The following FRMPD1 variants were observed in gnomAD, a reference collection of about 807,000 sequenced individuals.
FRMPD1 encodes FERM and PDZ domain containing 1.
A neutral mutation model predicts 117.8 loss-of-function variants in FRMPD1; 76 were observed. The ratio of observed to expected loss-of-function variants is 0.65; its 90% CI spans 0.54 to 0.78. The LOEUF (loss-of-function observed/expected upper bound fraction) is 0.78, where lower values mean the gene tolerates loss of function less well. FRMPD1 is among the 30% of genes least tolerant of loss of function. The pLI, the probability that FRMPD1 is intolerant of heterozygous loss-of-function variation, is 0.00. For missense variants in FRMPD1, 1,786 were observed against 1,964.5 expected (o/e 0.91, Z 1.72); for synonymous variants, 783 against 770.4 (o/e 1.02, Z -0.27).
intron 8 of FRMPD1, among the ~76,000 whole-genome samples, chr9:37,730,486 C>G (rs535163319): frequency 4.6e-5 from 7 of 152,324 alleles, no homozygotes; most frequent in African/African-American, 1.7e-4. Flanking sequence ...CAGATGAATT[C>G]TTACCCAATG....
chr9:37,674,436 C>A (rs1821455203), intron 1 of FRMPD1, among the ~76,000 whole-genome samples: 1 of 152,192 alleles, frequency 6.6e-6, no homozygotes, highest in African/African-American at 2.4e-5. Flanking sequence ...AACTTTCCCA[C>A]ATTTTCCTGC....
At chr9:37,636,689 T>A in the FRMPD1 span, 1 of 1,551,688 alleles carries the variant, frequency 6.4e-7, no homozygotes, top group Non-Finnish European at 8.6e-7. Flanking sequence ...GTGCCCCTCC[T>A]AGCAACAACC....
rs781229727 is a variant in FRMPD1, at chr9:37,746,176, C to T, written c.4144C>T (p.Pro1382Ser). The T allele has an allele frequency of 1.2e-6, 2 of 1,613,358 alleles. No individual in the cohort carries two copies. The highest frequency in any genetic ancestry group is 1.7e-6 in the Non-Finnish European group (2 of 1,179,916). The change falls in exon 16 of 16, where the codon CCT becomes TCT. Residue 1382 changes from proline (P) to serine (S), a missense_variant. Transcript: ENST00000377765. ...AGSPVVLPWR[P>S]ARAHSCTTAP... ...AAGCCCGGTGGTTCTGCCCTGGAGG[C>T]CTGCCCGAGCCCACAGCTGCACCAC... is the stretch of plus-strand genomic sequence containing the variant.
chr9:37,619,324 T>C, the FRMPD1 span, among the ~76,000 whole-genome samples: 1 of 152,180 alleles, frequency 6.6e-6, no homozygotes, highest in South Asian at 2.1e-4. Flanking sequence ...TCAGAGATCT[T>C]TGTTATTTCC....
Position 37,735,591 on chromosome 9 carries a change from G to A in FRMPD1, c.1258G>A (p.Ala420Thr). The change falls in exon 13 of 16, where the codon GCC (alanine) becomes ACC (threonine). Residue 420 changes from alanine (A) to threonine (T), a missense_variant. Transcript: ENST00000377765. Reference protein sequence around the residue: ...RESYIALLVGAKYGISQVINS... With the variant: ...RESYIALLVGTKYGISQVINS... ...ATCCTACATTGCCCTTCTAGTTGGAGCCAAGTATGGGATTAGCCAGGTTAT... is the reference window on the plus strand; with the variant it reads ...ATCCTACATTGCCCTTCTAGTTGGAACCAAGTATGGGATTAGCCAGGTTAT... The A allele has an allele frequency of 6.2e-7, 1 of 1,614,000 alleles. No individual in the cohort carries two copies. Among genetic ancestry groups the A allele is most frequent in the Non-Finnish European group, 8.5e-7 (1 of 1,179,860 alleles).
chr9:37,718,345 A>G (rs575183152), intron 5 of FRMPD1, among the ~76,000 whole-genome samples: 1 of 152,360 alleles, frequency 6.6e-6, no homozygotes, highest in East Asian at 1.9e-4. Context: ...CCAAGGGAAC[A>G]TAGGCTGTTA....
In FRMPD1 at chr9:37,731,046, G is replaced by A; in HGVS notation, c.801G>A (p.Lys267=). The A allele has an allele frequency of 6.2e-7, 1 of 1,613,336 alleles. No individual in the cohort carries two copies. The highest frequency in any genetic ancestry group is 8.5e-7 in the Non-Finnish European group (1 of 1,179,254). Residue 267 remains lysine, a synonymous_variant, in exon 9 of 16, where the codon AAG becomes AAA. Coordinates refer to ENST00000377765, the MANE Select transcript of FRMPD1 (RefSeq NM_014907.3). ...TCTTCAGGGTCTGTTTTGTTCCCAA[G>A]GACCCCCTGGACCTCCTGAAAGAAG... The part of the protein sequence containing the change: ...RCLFRVCFVP[K]DPLDLLKEDP...
Position 37,746,238 on chromosome 9 carries a change from G to A in FRMPD1, c.4206G>A (p.Glu1402=). The A allele has an allele frequency of 6.2e-7, 1 of 1,613,006 alleles. No individual in the cohort carries two copies. The highest frequency in any genetic ancestry group is 1.1e-5 in the South Asian group (1 of 91,084). ...CGAGGAAAAGCCACATCTGGCCAGA[G>A]TACTGCTCCAGGGCACTGAGACAGC... is the stretch of plus-strand genomic sequence containing the variant. The part of the protein sequence containing the change: ...PLSRKSHIWP[E]YCSRALRQLK... The change falls in exon 16 of 16, where the codon GAG becomes GAA. Residue 1402 remains glutamate, a synonymous_variant. Coordinates refer to ENST00000377765, the MANE Select transcript of FRMPD1 (RefSeq NM_014907.3).
chr9:37,638,025 T>TTC, the FRMPD1 span, among the ~76,000 whole-genome samples: 139 of 91,576 alleles, frequency 1.5e-3, 7 homozygotes, highest in African/African-American at 4.9e-3. Flanking sequence ...TCTTTCTTTC[T>TTC]CTCTCTTTCT....
At chr9:37,729,915 C>T in intron 8 of FRMPD1, 62 bp downstream of exon 8, 1 of 1,568,160 alleles carries the variant, frequency 6.4e-7, no homozygotes, top group Non-Finnish European at 8.7e-7. Context: ...ATACCTCAGC[C>T]AGAACCTCTG....
rs773801280 is a variant in FRMPD1, at chr9:37,740,926, C to G, written c.2356+42C>G. ...AGGTCTGCAGACACGGCAGGCAGCTCCTGAGTGCCTCCCGGGGATCAAGGC... is the reference window on the plus strand; with the variant it reads ...AGGTCTGCAGACACGGCAGGCAGCTGCTGAGTGCCTCCCGGGGATCAAGGC... On this transcript the variant is annotated intron_variant, in intron 15 of 15. Coordinates refer to ENST00000377765, the MANE Select transcript of FRMPD1 (RefSeq NM_014907.3). The surrounding 1 kb of genome is among the most constrained non-coding windows in gnomAD (Gnocchi z 4.2). The G allele has an allele frequency of 2.0e-6, 3 of 1,470,236 alleles. No homozygotes were observed. The highest frequency in any genetic ancestry group is 2.9e-6 in the Non-Finnish European group (3 of 1,049,048). 91.1% of individuals were successfully genotyped at this position (1,470,236 alleles called of 1,614,324 possible).
chr9:37,698,521 G>A (rs1028109818), intron 2 of FRMPD1, among the ~76,000 whole-genome samples: 20 of 128,044 alleles, frequency 1.6e-4, no homozygotes, highest in Admixed American at 3.2e-4. Context: ...AATTACTTAC[G>A]TTACAATAGT....
the FRMPD1 span, among the ~76,000 whole-genome samples, chr9:37,645,100 G>GGAA: frequency 0.14 from 16,341 of 119,474 alleles, 1,014 homozygotes; most frequent in South Asian, 0.18. Flanking sequence ...TGAGCCAGCA[G>GGAA]AAAAAAAAAA....
the FRMPD1 span, among the ~76,000 whole-genome samples, chr9:37,630,345 C>T: frequency 2.0e-5 from 3 of 152,048 alleles, no homozygotes; most frequent in East Asian, 5.8e-4. Flanking sequence ...GGCTTTCTTT[C>T]TTTTTCTTTT....
At chr9:37,723,190 A>C (rs1283197245) in intron 6 of FRMPD1, among the ~76,000 whole-genome samples, 2 of 152,108 alleles carry the variant, frequency 1.3e-5, no homozygotes, top group African/African-American at 4.8e-5. Flanking sequence ...CCCCAATCCT[A>C]CAAGGTAGAG....
chr9:37,699,770 T>A (rs577779782), intron 2 of FRMPD1, among the ~76,000 whole-genome samples: 38 of 152,322 alleles, frequency 2.5e-4, no homozygotes, highest in African/African-American at 9.1e-4. Flanking sequence ...TTTTAACTTG[T>A]CTTGAATGTT....
intron 1 of FRMPD1, among the ~76,000 whole-genome samples, chr9:37,667,281 G>C (rs886223890): frequency 6.6e-6 from 1 of 150,828 alleles, no homozygotes; most frequent in Non-Finnish European, 1.5e-5. Context: ...GGCCAGGCTG[G>C]TCTAGAACTC....
the FRMPD1 span, among the ~76,000 whole-genome samples, chr9:37,629,437 G>C: frequency 6.6e-6 from 1 of 152,156 alleles, no homozygotes; most frequent in Non-Finnish European, 1.5e-5. Context: ...GGAGTGGAGT[G>C]GGGGCTGCTC....
At chr9:37,633,741 G>C in the FRMPD1 span, among the ~76,000 whole-genome samples, 4 of 152,336 alleles carry the variant, frequency 2.6e-5, no homozygotes, top group Admixed American at 6.5e-5. Flanking sequence ...TGCACCTGTA[G>C]TCCCAGCTGC....
Sources: gnomAD v4.1 joint callset for allele counts (sites outside exome capture counted in the v4.1 genomes callset) on GRCh38, gnomAD v4.1.1 for gene constraint, Gnocchi (gnomAD v3.1) non-coding constraint, MANE v1.5 for transcripts, NCBI Gene and HGNC (gene_info 2026-07-23, HGNC 2026-07-21) for gene names.